The following EPHA5 variants were observed in gnomAD, a reference collection of about 807,000 sequenced individuals.
EPHA5 encodes the protein ephrin type-A receptor 5.
EPHA5 carries 60 observed loss-of-function variants against 105.0 expected under a neutral mutation model. The observed-to-expected ratio is 0.57, with a 90% confidence interval of 0.46 to 0.71. The LOEUF is 0.71. EPHA5 is among the 30% of genes least tolerant of loss of function. The pLI is 0.00. For synonymous variants in EPHA5, 513 were observed against 449.1 expected, an observed-to-expected ratio of 1.14 and a Z score of -1.80; for missense variants, 1,218 against 1,274.7, an observed-to-expected ratio of 0.96 and a Z score of 0.68.
At chr4:65,487,827 A>G (rs570567799) in intron 5 of EPHA5, among the ~76,000 whole-genome samples, 6 of 152,270 alleles carry the variant, frequency 3.9e-5, no homozygotes, top group East Asian at 3.9e-4. Flanking sequence ...CTCTATGTGT[A>G]TTAAACTCTT....
rs575236395 is a variant in EPHA5 at position 65,523,455 on chromosome 4, C to A, written c.911-27912G>T. Among the ~76,000 whole-genome samples, 6 of 152,068 alleles carry A rather than the reference C, an allele frequency of 3.9e-5. No homozygotes were observed. The East Asian group carries it at 1.2e-3, about 29-fold the overall frequency. On this transcript the variant is annotated intron_variant, in intron 3 of 16. Coordinates refer to ENST00000613740, the MANE Select transcript of EPHA5 (RefSeq NM_001281766.3). The stretch of plus-strand genomic sequence containing the variant: ...TTTTCCATAGTTCTTTGGCTATCAG[C>A]CATCGTAAACTCAATGTGACAAAAT...
intron 11 of EPHA5, among the ~76,000 whole-genome samples, chr4:65,363,884 A>G (rs1053981078): frequency 5.9e-5 from 9 of 151,540 alleles, no homozygotes; most frequent in African/African-American, 1.2e-4. Context: ...TTTATATTAT[A>G]TTGTTATTTC....
chr4:65,567,447 AT>A (rs1477948762), intron 3 of EPHA5, among the ~76,000 whole-genome samples: 1 of 151,566 alleles, frequency 6.6e-6, no homozygotes, highest in Non-Finnish European at 1.5e-5. Context: ...TAACTTCAGA[AT>A]TTGGCTTTGT....
chr4:65,609,163 G>A (rs1005346272), intron 2 of EPHA5, among the ~76,000 whole-genome samples: 1 of 152,074 alleles, frequency 6.6e-6, no homozygotes, highest in Non-Finnish European at 1.5e-5. Context: ...ATGTAGCACA[G>A]TTTCTGTTTT....
chr4:65,379,153 C>T (rs1355298463), intron 8 of EPHA5, among the ~76,000 whole-genome samples: 1 of 151,762 alleles, frequency 6.6e-6, no homozygotes, highest in Non-Finnish European at 1.5e-5. Context: ...TAGAATTTGT[C>T]TAACACTTGG....
intron 8 of EPHA5, among the ~76,000 whole-genome samples, chr4:65,389,911 A>C (rs1229771947): frequency 6.6e-6 from 1 of 152,036 alleles, no homozygotes; most frequent in Non-Finnish European, 1.5e-5. Flanking sequence ...AGGGAGGTCA[A>C]ACCTTGCCAA....
At chr4:65,653,973 T>C (rs113470731) in intron 1 of EPHA5, among the ~76,000 whole-genome samples, 1,621 of 152,184 alleles carry the variant, frequency 0.011, 16 homozygotes, top group Non-Finnish European at 0.016. Flanking sequence ...CCTTGTTACA[T>C]AGGTCTGGCA....
intron 7 of EPHA5, among the ~76,000 whole-genome samples, chr4:65,406,982 TC>T (rs751860179): frequency 1.3e-5 from 2 of 152,030 alleles, no homozygotes; most frequent in Non-Finnish European, 2.9e-5. Context: ...TTTATGTTTC[TC>T]CCCATACATC....
intron 5 of EPHA5, among the ~76,000 whole-genome samples, chr4:65,431,821 A>G (rs1454349759): frequency 6.6e-6 from 1 of 152,122 alleles, no homozygotes; most frequent in Non-Finnish European, 1.5e-5. Flanking sequence ...AACCTTGAGC[A>G]CAGAGAGTGG....
At chr4:65,374,287 A>C (rs1174963646) in intron 8 of EPHA5, among the ~76,000 whole-genome samples, 1 of 151,938 alleles carries the variant, frequency 6.6e-6, no homozygotes, top group East Asian at 1.9e-4. Flanking sequence ...CACTGGGTAG[A>C]TTTCAGTCAA....
At chr4:65,665,775 C>T (rs938029201) in intron 1 of EPHA5, among the ~76,000 whole-genome samples, 4 of 152,164 alleles carry the variant, frequency 2.6e-5, no homozygotes, top group Admixed American at 6.5e-5. Flanking sequence ...TCAAAAGGAG[C>T]TTAAAATGTC....
At chr4:65,533,469 A>G (rs1736012981) in intron 3 of EPHA5, among the ~76,000 whole-genome samples, 1 of 152,232 alleles carries the variant, frequency 6.6e-6, no homozygotes, top group Non-Finnish European at 1.5e-5. Flanking sequence ...CTGAATTACA[A>G]CTCAGGTTTG....
intron 5 of EPHA5, among the ~76,000 whole-genome samples, chr4:65,426,585 T>C (rs1263370462): frequency 6.6e-6 from 1 of 152,122 alleles, no homozygotes; most frequent in Admixed American, 6.6e-5. Flanking sequence ...GCCTTGAAAA[T>C]TCCTGGAGCA....
At chr4:65,508,218 G>A (rs187957205) in intron 3 of EPHA5, among the ~76,000 whole-genome samples, 2 of 152,222 alleles carry the variant, frequency 1.3e-5, no homozygotes, top group Admixed American at 6.5e-5. Context: ...TTAATGGCCT[G>A]TGTATTTGAT....
chr4:65,341,030 A>T (rs1721662137), intron 14 of EPHA5, among the ~76,000 whole-genome samples: 1 of 152,098 alleles, frequency 6.6e-6, no homozygotes, highest in Non-Finnish European at 1.5e-5. Context: ...CCTGTGTCAC[A>T]GTCTGACATC....
chr4:65,578,726 C>A (rs989339648), intron 3 of EPHA5, among the ~76,000 whole-genome samples: 5 of 151,870 alleles, frequency 3.3e-5, no homozygotes, highest in Non-Finnish European at 7.4e-5. Flanking sequence ...TTGAGGTTTC[C>A]CAACAAATAC....
Position 65,327,156 on chromosome 4 carries a change from T to A in EPHA5, c.2946-2937A>T, listed in dbSNP as rs796131227. 3.4e-4 allele frequency among the ~76,000 whole-genome samples: 52 copies of A among 151,412 alleles called. 1 individual carries two copies. The highest frequency in any genetic ancestry group is 1.2e-3 in the African/African-American group (51 of 41,462). On this transcript the variant is annotated intron_variant, in intron 16 of 16. Coordinates refer to ENST00000613740, the MANE Select transcript of EPHA5 (RefSeq NM_001281766.3). ...ATTTTTCATGATAACTATATCATACTAAAGAATTGTGAGAAATTTTATTTG... is the reference window on the plus strand; with the variant it reads ...ATTTTTCATGATAACTATATCATACAAAAGAATTGTGAGAAATTTTATTTG...
Position 65,495,373 on chromosome 4 carries a change from C to T in EPHA5, c.1066+15G>A, listed in dbSNP as rs371890816. On this transcript the variant is annotated intron_variant, in intron 4 of 16. Coordinates refer to ENST00000613740, the MANE Select transcript of EPHA5 (RefSeq NM_001281766.3). The stretch of plus-strand genomic sequence containing the variant: ...GTTAAAGTTAGCACCACCAAATATC[C>T]GTGGGTTTCCTTACTTGTGCATGCC... 8.1e-5 allele frequency: 130 copies of T among 1,607,584 alleles called. No homozygotes were observed. Among genetic ancestry groups the T allele is most frequent in the Non-Finnish European group, 1.1e-4 (124 of 1,176,964 alleles).
At chr4:65,407,701 TTTA>T (rs1245007768) in intron 7 of EPHA5, among the ~76,000 whole-genome samples, 1 of 150,726 alleles carries the variant, frequency 6.6e-6, no homozygotes, top group African/African-American at 2.4e-5. Flanking sequence ...TTTATATAAT[TTTA>T]TTATTATTAT....
Sources: allele counts gnomAD v4.1 joint callset (sites outside exome capture counted in the v4.1 genomes callset), GRCh38; gene constraint gnomAD v4.1.1; transcripts MANE v1.5; gene names NCBI Gene and HGNC (gene_info 2026-07-23, HGNC 2026-07-21).